TRIO: variants seen among roughly 807,000 people sequenced by gnomAD.
TRIO encodes trio Rho guanine nucleotide exchange factor, also known as triple functional domain protein.
A neutral mutation model predicts 351.9 loss-of-function variants in TRIO; 58 were observed. The ratio of observed to expected loss-of-function variants is 0.16; its 90% CI spans 0.13 to 0.21. TRIO has a LOEUF of 0.21. Among genes scored for constraint, TRIO ranks in the 10% least tolerant of loss-of-function variants. TRIO has a pLI of 1.00. For missense variants in TRIO, 3,201 were observed against 4,027.8 expected (o/e 0.79, Z 5.56); for synonymous variants, 1,758 against 1,595.7 (o/e 1.10, Z -2.42).
intron 6 of TRIO, among the ~76,000 whole-genome samples, chr5:14,293,895 G>T (rs1234585964): frequency 2.6e-5 from 4 of 152,066 alleles, no homozygotes; most frequent in African/African-American, 9.7e-5. Context: ...AGGAGTTTTG[G>T]TTTGGACTTT....
intron 24 of TRIO, 125 bp downstream of exon 24, chr5:14,388,804 G>A: frequency 8.8e-7 from 1 of 1,133,146 alleles, no homozygotes; most frequent in Non-Finnish European, 1.2e-6. Flanking sequence ...TTTTTTAAAT[G>A]TAAAGTATGC....
At position 14,154,878 on chromosome 5, in the gene TRIO, C is replaced by G. The variant is rs962974068; in HGVS notation, c.157+10996C>G. ...TTGCCCTAGGAGTTTCTAAAACTTTCAAGCTTTTACATTTTTATGTAATTC... is the reference window on the plus strand; with the variant it reads ...TTGCCCTAGGAGTTTCTAAAACTTTGAAGCTTTTACATTTTTATGTAATTC... On this transcript the variant is annotated intron_variant, in intron 1 of 56. Transcript: ENST00000344204. Among the ~76,000 whole-genome samples the G allele has an allele frequency of 5.3e-5, 8 of 152,288 alleles. 1 individual carries two copies. The East Asian group carries it at 1.5e-3, about 29-fold the overall frequency.
At chr5:14,481,096 C>A in intron 43 of TRIO, 138 bp from the exon 44 acceptor site, 2 of 866,344 alleles carry the variant, frequency 2.3e-6, no homozygotes, top group Admixed American at 2.4e-5. Context: ...GAGGCCAAAG[C>A]AAGAGGATCA....
intron 1 of TRIO, among the ~76,000 whole-genome samples, chr5:14,235,493 A>G (rs746860939): frequency 1.3e-5 from 2 of 152,222 alleles, no homozygotes; most frequent in Non-Finnish European, 2.9e-5. Context: ...TATGTCTGTC[A>G]TACAGGATGG....
intron 20 of TRIO, 27 bp downstream of exon 20, chr5:14,378,154 C>T: frequency 6.5e-7 from 1 of 1,549,858 alleles, no homozygotes; most frequent in Non-Finnish European, 8.8e-7. Context: ...TGCCCAGCCT[C>T]CCCCTAAACT....
intron 33 of TRIO, among the ~76,000 whole-genome samples, chr5:14,418,239 T>G (rs1749805897): frequency 6.6e-6 from 1 of 152,142 alleles, no homozygotes; most frequent in Non-Finnish European, 1.5e-5. Context: ...GAGGTGCTTC[T>G]GGCCACTGGG....
intron 1 of TRIO, among the ~76,000 whole-genome samples, chr5:14,172,128 C>T (rs1247185622): frequency 6.6e-6 from 1 of 152,182 alleles, no homozygotes; most frequent in African/African-American, 2.4e-5. Flanking sequence ...CTAATAAGCA[C>T]TGCAGCATTA....
chr5:14,247,883 T>C (rs527708734), intron 1 of TRIO, among the ~76,000 whole-genome samples: 1 of 152,154 alleles, frequency 6.6e-6, no homozygotes, highest in South Asian at 2.1e-4. Context: ...CTGGCCAATA[T>C]GGTGAAACCC....
At chr5:14,454,308 T>C (rs1753077219) in intron 34 of TRIO, among the ~76,000 whole-genome samples, 1 of 152,170 alleles carries the variant, frequency 6.6e-6, no homozygotes, top group South Asian at 2.1e-4. Flanking sequence ...TGACAGGCAG[T>C]GTTCACGTAC....
At position 14,291,114 on chromosome 5, in the gene TRIO, C is replaced by T. The variant is rs1581542227; in HGVS notation, c.939C>T (p.Thr313=). 1.9e-6 allele frequency: 3 copies of T among 1,614,172 alleles called. No homozygotes were observed. Among genetic ancestry groups the T allele is most frequent in the Non-Finnish European group, 2.5e-6 (3 of 1,180,038 alleles). Residue 313 remains threonine, a synonymous_variant, in exon 5 of 57, where the codon ACC becomes ACT. Transcript: ENST00000344204. ...AGAACCTCTTGCCCAAGGTGTCCAC[C>T]ATGCTGGACCGGCTGCACTCGACAC... ...DLQNLLPKVS[T]MLDRLHSTRQ...
intron 34 of TRIO, among the ~76,000 whole-genome samples, chr5:14,425,395 T>G (rs896077353): frequency 2.8e-4 from 42 of 152,238 alleles, no homozygotes; most frequent in Non-Finnish European, 5.4e-4. Flanking sequence ...TTCCTTTCTT[T>G]TTAAGGCTGA....
chr5:14,304,500 G>A lies in TRIO; in HGVS notation c.1408G>A (p.Glu470Lys). 2 of 1,614,058 alleles carry A rather than the reference G, an allele frequency of 1.2e-6. No homozygotes were observed. The highest frequency in any genetic ancestry group is 1.7e-6 in the Non-Finnish European group (2 of 1,179,990). Residue 470 changes from glutamate (E) to lysine (K), a missense_variant, in exon 8 of 57, where the codon GAG (glutamate) becomes AAG (lysine). Glu to Lys is a moderately conservative substitution (Grantham distance 56, BLOSUM62 1). This residue lies in a region of TRIO where 349 missense variants were observed against 449.3 expected (regional missense o/e 0.78). Transcript: ENST00000344204. ...NVDSWCKACG[E>K]VDLPSELQDL... ...GGATTCATGGTGTAAAGCTTGCGGT[G>A]AGGTAGACCTTCCCTCAGAGCTGCA... is the stretch of plus-strand genomic sequence containing the variant.
In TRIO at chr5:14,509,760, T is replaced by G; in HGVS notation, c.*1338T>G. The G allele has an allele frequency of 4.7e-5, 10 of 214,668 alleles. No homozygotes were observed. The highest frequency in any genetic ancestry group is 1.2e-4 in the South Asian group (2 of 16,994). The allele number at this position is 214,668 out of a possible 1,614,324, so 13.3% of individuals were successfully genotyped here. ...CATTCGCACTGGTGTGGGGAGTCCT[T>G]TCAACTCAAGGAGGCTGGGTTTCTG... On this transcript the variant is annotated 3_prime_UTR_variant, in exon 57 of 57. Transcript: ENST00000344204.
chr5:14,277,772 T>C (rs556058816), intron 2 of TRIO, among the ~76,000 whole-genome samples: 18 of 152,222 alleles, frequency 1.2e-4, no homozygotes, highest in Non-Finnish European at 2.5e-4. Flanking sequence ...ACCTGTGTAG[T>C]TGATTTTAAG....
chr5:14,408,425 C>A (rs1429989817), intron 33 of TRIO, among the ~76,000 whole-genome samples: 2 of 152,000 alleles, frequency 1.3e-5, no homozygotes, highest in Admixed American at 6.6e-5. Context: ...AAGAATTTCT[C>A]ATTTTATTTT....
chr5:14,404,359 A>G (rs955572733), intron 31 of TRIO, among the ~76,000 whole-genome samples: 6 of 151,988 alleles, frequency 3.9e-5, no homozygotes, highest in African/African-American at 1.2e-4. Flanking sequence ...TACCTCAGTT[A>G]CCTTTCTCTT....
intron 34 of TRIO, among the ~76,000 whole-genome samples, chr5:14,454,089 C>T (rs760142114): frequency 2.0e-5 from 3 of 152,096 alleles, no homozygotes; most frequent in Non-Finnish European, 2.9e-5. Flanking sequence ...GACACGATGC[C>T]AACTAATTTT....
At chr5:14,444,153 TA>T (rs1184536888) in intron 34 of TRIO, among the ~76,000 whole-genome samples, 1 of 152,082 alleles carries the variant, frequency 6.6e-6, no homozygotes, top group Non-Finnish European at 1.5e-5. Flanking sequence ...TTTTATAAAT[TA>T]AAGGGAAACA....
chr5:14,384,209 C>T (rs902171439), intron 21 of TRIO, among the ~76,000 whole-genome samples: 3 of 152,182 alleles, frequency 2.0e-5, no homozygotes, highest in African/African-American at 7.2e-5. Context: ...CACTGAGGTC[C>T]GGAAGCCATT....
Sources: allele counts gnomAD v4.1 joint callset (sites outside exome capture counted in the v4.1 genomes callset), GRCh38; gene constraint gnomAD v4.1.1; regional missense constraint gnomAD v4.1.1; transcripts MANE v1.5; gene names NCBI Gene and HGNC (gene_info 2026-07-23, HGNC 2026-07-21).